The following ILDR2 variants were observed in gnomAD, a reference collection of about 807,000 sequenced individuals.
The protein encoded by ILDR2 is immunoglobulin like domain containing receptor 2, also known as immunoglobulin-like domain-containing receptor 2.
A neutral mutation model predicts 66.8 loss-of-function variants in ILDR2; 25 were observed. That is an observed-to-expected ratio of 0.37 (90% confidence interval 0.27 to 0.52). ILDR2 has a LOEUF of 0.52. ILDR2 is among the 20% of genes least tolerant of loss of function. The pLI is 0.88. For missense variants in ILDR2, 827 were observed against 876.8 expected (o/e 0.94, Z 0.72); for synonymous variants, 367 against 357.2 (o/e 1.03, Z -0.31).
chr1:166,938,358 G>A (rs1661109228), intron 4 of ILDR2, among the ~76,000 whole-genome samples: 2 of 152,208 alleles, frequency 1.3e-5, no homozygotes, highest in South Asian at 4.1e-4. Flanking sequence ...GAATCAAAGG[G>A]AGGGAAATTT....
intron 2 of ILDR2, among the ~76,000 whole-genome samples, chr1:166,901,287 T>C (rs1202703884): frequency 6.6e-6 from 1 of 152,200 alleles, no homozygotes; most frequent in African/African-American, 2.4e-5. Context: ...GGAGAACAGA[T>C]GGCCGGATCC....
At chr1:166,967,138 A>AGTCCTT (rs1663000775) in intron 1 of ILDR2, among the ~76,000 whole-genome samples, 1 of 152,212 alleles carries the variant, frequency 6.6e-6, no homozygotes, top group Admixed American at 6.5e-5. Flanking sequence ...GGACAAAGGT[A>AGTCCTT]TGTTAGGAGA....
At position 166,921,231 on chromosome 1, in the gene ILDR2, C is replaced by T. The variant is rs566440501; in HGVS notation, c.1360G>A (p.Gly454Arg). 17 of 1,594,072 alleles carry T rather than the reference C, an allele frequency of 1.1e-5. No individual in the cohort carries two copies. Among genetic ancestry groups the T allele is most frequent in the African/African-American group, 2.7e-5 (2 of 74,938 alleles). The change falls in exon 9 of 10, where the codon GGG becomes AGG. Residue 454 changes from glycine (G) to arginine (R), a missense_variant. Gly to Arg is a moderately radical substitution (Grantham distance 125). This residue lies in a region of ILDR2 where 390 missense variants were observed against 353.6 expected (regional missense o/e 1.10). Transcript: ENST00000271417. The surrounding 1 kb of genome is among the most constrained non-coding windows in gnomAD (Gnocchi z 5.3). ...GACTCCGAGCGCTCGAAGCGGCTCCCGCCCCGCGCCTCGTGACTGTTGCCG... is the reference window on the plus strand; with the variant it reads ...GACTCCGAGCGCTCGAAGCGGCTCCTGCCCCGCGCCTCGTGACTGTTGCCG... ...ADGNSHEARG[G>R]SRFERSESRA...
At chr1:166,903,867 A>G (rs1659299864), downstream of ILDR2, among the ~76,000 whole-genome samples, 1 of 152,146 alleles carries the variant, frequency 6.6e-6, no homozygotes, top group Non-Finnish European at 1.5e-5. Context: ...GTTTCTTCTT[A>G]TCCTTCAAGT....
chr1:166,956,814 T>C lies in ILDR2; in HGVS notation c.418A>G (p.Ser140Gly), dbSNP rs775954811. The C allele has an allele frequency of 6.2e-7, 1 of 1,614,088 alleles. No individual in the cohort carries two copies. The highest frequency in any genetic ancestry group is 1.1e-5 in the South Asian group (1 of 91,068). Reference sequence around the variant, plus strand: ...GTGATAATACAGTAATAGAGTCCGCTGTCTCCCCACATAAGCTTTCCAATT... The same window carrying C: ...GTGATAATACAGTAATAGAGTCCGCCGTCTCCCCACATAAGCTTTCCAATT... ...LQIGKLMWGDSGLYYCIITTP... is the reference protein window; with the variant it reads ...LQIGKLMWGDGGLYYCIITTP... Residue 140 changes from serine to glycine, a missense_variant, in exon 3 of 10, where the codon AGC becomes GGC. This residue lies in a region of ILDR2 where 437 missense variants were observed against 523.2 expected (regional missense o/e 0.84). Transcript: ENST00000271417.
rs1659477004 is a variant in ILDR2 at position 166,911,651 on chromosome 1, G to A, written c.*7704C>T. The A allele has an allele frequency of 2.3e-5, 3 of 130,512 alleles. No homozygotes were observed. Among genetic ancestry groups the A allele is most frequent in the South Asian group, 5.3e-4 (2 of 3,808 alleles). 8.1% of individuals were successfully genotyped at this position (130,512 alleles called of 1,614,324 possible). On this transcript the variant is annotated 3_prime_UTR_variant, in exon 10 of 10. Transcript: ENST00000271417. ...TTTAAGATATTCAGATAAATAAGAG[G>A]GCATTGTAAAAAAAAAAAAAGAGTA... is the stretch of plus-strand genomic sequence containing the variant.
downstream of ILDR2, among the ~76,000 whole-genome samples, chr1:166,903,370 G>A (rs529805064): frequency 1.3e-5 from 2 of 152,312 alleles, no homozygotes; most frequent in South Asian, 4.1e-4. Context: ...GCTCCACCAT[G>A]CCTAAGGCTA....
At chr1:166,925,082 T>A (rs1557933486) in intron 7 of ILDR2, among the ~76,000 whole-genome samples, 1 of 152,042 alleles carries the variant, frequency 6.6e-6, no homozygotes. Context: ...TACTAGAACT[T>A]CCCAGACTAA....
At position 166,914,564 on chromosome 1, in the gene ILDR2, T is replaced by C. The variant is rs1165736291; in HGVS notation, c.*4791A>G. On this transcript the variant is annotated 3_prime_UTR_variant, in exon 10 of 10. Coordinates refer to ENST00000271417, the MANE Select transcript of ILDR2 (RefSeq NM_199351.3). Reference sequence around the variant, plus strand: ...AATGAAAGTGTTCTGTAAACAGTAATATATCATAAAAATAACACAAATATT... The same window carrying C: ...AATGAAAGTGTTCTGTAAACAGTAACATATCATAAAAATAACACAAATATT... The C allele has an allele frequency of 1.3e-5, 2 of 152,210 alleles. No homozygotes were observed. The highest frequency in any genetic ancestry group is 2.4e-5 in the African/African-American group (1 of 41,460). 9.4% of individuals were successfully genotyped at this position (152,210 alleles called of 1,614,324 possible). A position where few individuals can be genotyped will look rare whatever the true frequency, so the allele number is the denominator to read the frequency against.
rs1457376817 is a variant in ILDR2, at chr1:166,964,195, C to A, written c.47-6094G>T. 3.3e-5 allele frequency among the ~76,000 whole-genome samples: 5 copies of A among 151,836 alleles called. No homozygotes were observed. In the South Asian group the frequency reaches 1.0e-3, roughly 32 times the overall value. On this transcript the variant is annotated intron_variant, in intron 1 of 9. Transcript: ENST00000271417. ...CTAAAAGAAGCACTAGAATTGAAGA[C>A]CACAGGTGGTTTTCTGCTTTGCAGA...
intron 4 of ILDR2, among the ~76,000 whole-genome samples, chr1:166,938,820 G>A (rs1189456791): frequency 6.6e-6 from 1 of 152,128 alleles, no homozygotes; most frequent in Non-Finnish European, 1.5e-5. Context: ...GTTCATTCTT[G>A]CTTCTCTCTG....
rs769363734 is a variant in ILDR2, at chr1:166,956,783, G to A, written c.449C>T (p.Pro150Leu). 6.2e-7 allele frequency: 1 copy of A among 1,613,854 alleles called. No homozygotes were observed. Among genetic ancestry groups the A allele is most frequent in the African/African-American group, 1.3e-5 (1 of 74,902 alleles). Reference protein sequence around the residue: ...SGLYYCIITTPDDLEGKNEDS... With the variant: ...SGLYYCIITTLDDLEGKNEDS... The stretch of plus-strand genomic sequence containing the variant: ...CTCATTTTTCCCCTCCAGGTCATCT[G>A]GGGTGGTGATAATACAGTAATAGAG... Residue 150 changes from proline (P) to leucine (L), a missense_variant, in exon 3 of 10, where the codon CCA (proline) becomes CTA (leucine). This residue lies in a region of ILDR2 where 437 missense variants were observed against 523.2 expected (regional missense o/e 0.84). Coordinates refer to ENST00000271417, the MANE Select transcript of ILDR2 (RefSeq NM_199351.3).
intron 1 of ILDR2, among the ~76,000 whole-genome samples, chr1:166,968,556 A>G (rs989941708): frequency 1.3e-5 from 2 of 152,174 alleles, no homozygotes; most frequent in African/African-American, 4.8e-5. Context: ...AGATTATAGT[A>G]TTTATTCCCA....
At chr1:166,973,750 G>A (rs1663448890) in intron 1 of ILDR2, among the ~76,000 whole-genome samples, 1 of 152,038 alleles carries the variant, frequency 6.6e-6, no homozygotes, top group South Asian at 2.1e-4. Flanking sequence ...GGAGTGGAAG[G>A]CACTGGGAGG....
At chr1:166,897,148 A>T (rs1197679209) in intron 2 of ILDR2, among the ~76,000 whole-genome samples, 2 of 152,242 alleles carry the variant, frequency 1.3e-5, no homozygotes, top group Admixed American at 1.3e-4. Flanking sequence ...AACTAGCAGT[A>T]AGGTGACCAG....
At position 166,938,017 on chromosome 1, in the gene ILDR2, A is replaced by T. The variant is rs758332406; in HGVS notation, c.557-1280T>A. Among the ~76,000 whole-genome samples the T allele has an allele frequency of 3.3e-5, 5 of 152,314 alleles. No homozygotes were observed. The South Asian group carries it at 1.0e-3, about 32-fold the overall frequency. ...AATTTCCTCAGAGAGGAAACAAACA[A>T]CATGTTTCCTGAATGTCCCTCCTCA... On this transcript the variant is annotated intron_variant, in intron 4 of 9. Transcript: ENST00000271417.
Position 166,935,468 on chromosome 1 carries a change from G to C in ILDR2, c.713C>G (p.Ala238Gly), listed in dbSNP as rs746203515. The C allele has an allele frequency of 6.3e-7, 1 of 1,596,052 alleles. No homozygotes were observed. The highest frequency in any genetic ancestry group is 8.5e-7 in the Non-Finnish European group (1 of 1,171,520). Reference sequence around the variant, plus strand: ...GTACCCGGCCTTTGCTGCTTTCCCTGCTTCATACACTGTGGAGGGAGATCA... The same window carrying C: ...GTACCCGGCCTTTGCTGCTTTCCCTCCTTCATACACTGTGGAGGGAGATCA... ...SCCCPQALYE[A>G]GKAAKAGYPP... The change falls in exon 6 of 10, where the codon GCA (alanine) becomes GGA (glycine). Residue 238 changes from alanine (A) to glycine (G), a missense_variant. By Grantham distance (60) the Ala-to-Gly change is moderately conservative. Transcript: ENST00000271417.
intron 7 of ILDR2, 99 bp downstream of exon 7, chr1:166,926,964 AGCCT>A: frequency 1.5e-6 from 1 of 681,568 alleles, no homozygotes; most frequent in South Asian, 2.2e-5. Flanking sequence ...GCTAATTCTA[AGCCT>A]GCAAGCTCAG....
In ILDR2 at chr1:166,935,446, C is replaced by T. The variant is rs1660894054; in HGVS notation, c.735G>A (p.Gly245=). The change falls in exon 6 of 10, where the codon GGG becomes GGA. Residue 245 remains glycine, a synonymous_variant. Transcript: ENST00000271417. ...GGACACCGGAGACAGAGGGAGGGTACCCGGCCTTTGCTGCTTTCCCTGCTT... is the reference window on the plus strand; with the variant it reads ...GGACACCGGAGACAGAGGGAGGGTATCCGGCCTTTGCTGCTTTCCCTGCTT... ...LYEAGKAAKA[G]YPPSVSGVPG... is the part of the protein sequence containing the mutation. 4 of 1,607,340 alleles carry T rather than the reference C, an allele frequency of 2.5e-6. No homozygotes were observed. The highest frequency in any genetic ancestry group is 1.3e-5 in the African/African-American group (1 of 74,628).
Sources: gnomAD v4.1 joint callset for allele counts (sites outside exome capture counted in the v4.1 genomes callset) on GRCh38, gnomAD v4.1.1 for gene constraint, gnomAD v4.1.1 regional missense constraint, Gnocchi (gnomAD v3.1) non-coding constraint, MANE v1.5 for transcripts, NCBI Gene and HGNC (gene_info 2026-07-23, HGNC 2026-07-21) for gene names.